CCDC73: variants seen among roughly 807,000 people sequenced by gnomAD.
The protein encoded by CCDC73 is coiled-coil domain containing 73, also known as coiled-coil domain-containing protein 73.
Under a neutral mutation model 116.5 loss-of-function variants are expected in CCDC73, and 95 were observed. The ratio of observed to expected loss-of-function variants is 0.82; its 90% CI spans 0.69 to 0.97. The LOEUF is 0.97. Among genes scored for constraint, CCDC73 ranks in the 50% least tolerant of loss-of-function variants. CCDC73 has a pLI of 0.00. For missense variants in CCDC73, 1,066 were observed against 1,206.8 expected (o/e 0.88, Z 1.73); for synonymous variants, 398 against 401.3 (o/e 0.99, Z 0.10).
At chr11:32,684,028 T>C (rs1856171845) in intron 6 of CCDC73, among the ~76,000 whole-genome samples, 1 of 146,244 alleles carries the variant, frequency 6.8e-6, no homozygotes, top group Non-Finnish European at 1.5e-5. Flanking sequence ...CATTAACACT[T>C]TGGTACTACC....
intron 9 of CCDC73, among the ~76,000 whole-genome samples, chr11:32,671,761 C>T (rs1159278934): frequency 6.6e-6 from 1 of 152,186 alleles, no homozygotes; most frequent in East Asian, 1.9e-4. Context: ...CTCACTTTAC[C>T]CTTCTATAAC....
chr11:32,812,385 G>T, the CCDC73 span, among the ~76,000 whole-genome samples: 1 of 152,124 alleles, frequency 6.6e-6, no homozygotes, highest in African/African-American at 2.4e-5. Flanking sequence ...TCAGGCATAG[G>T]CCGGGCGCAG....
chr11:32,633,983 T>C (rs1310383230), intron 14 of CCDC73, among the ~76,000 whole-genome samples: 1 of 152,182 alleles, frequency 6.6e-6, no homozygotes, highest in Admixed American at 6.5e-5. Context: ...AACTCTTTCC[T>C]GCACACCAAC....
chr11:32,787,789 A>G (rs1295036675), intron 1 of CCDC73, among the ~76,000 whole-genome samples: 2 of 152,200 alleles, frequency 1.3e-5, no homozygotes, highest in Non-Finnish European at 2.9e-5. Context: ...AAGATACAGA[A>G]CAATCAAAAT....
chr11:32,786,403 T>A (rs1850627781), intron 1 of CCDC73, among the ~76,000 whole-genome samples: 1 of 108,460 alleles, frequency 9.2e-6, no homozygotes, highest in South Asian at 2.6e-4. Flanking sequence ...TTATAATATA[T>A]AATAAATATA....
At chr11:32,696,325 T>A (rs1590599498) in intron 6 of CCDC73, among the ~76,000 whole-genome samples, 1 of 152,344 alleles carries the variant, frequency 6.6e-6, no homozygotes, top group African/African-American at 2.4e-5. Context: ...AACAGGGTAC[T>A]AATACAACAT....
chr11:32,690,746 G>C (rs1324104833), intron 6 of CCDC73, among the ~76,000 whole-genome samples: 2 of 152,164 alleles, frequency 1.3e-5, no homozygotes, highest in East Asian at 3.9e-4. Flanking sequence ...CTGCAGAACT[G>C]TAAGTTAATT....
the CCDC73 span, among the ~76,000 whole-genome samples, chr11:32,826,334 C>T: frequency 7.2e-5 from 11 of 152,170 alleles, no homozygotes; most frequent in African/African-American, 2.4e-4. Flanking sequence ...AGTTGCATCT[C>T]TTCAAGAGGC....
the CCDC73 span, among the ~76,000 whole-genome samples, chr11:32,810,545 A>G: frequency 1.3e-5 from 2 of 152,332 alleles, no homozygotes; most frequent in African/African-American, 4.8e-5. Context: ...CACGCCCTTT[A>G]AAGAGGGAAA....
chr11:32,651,409 C>T (rs530016956), intron 12 of CCDC73, among the ~76,000 whole-genome samples: 1 of 152,336 alleles, frequency 6.6e-6, no homozygotes, highest in South Asian at 2.1e-4. Context: ...CCTGCACCTA[C>T]ACCCCAACAA....
chr11:32,737,617 C>CAAAAA (rs35749199), intron 2 of CCDC73, among the ~76,000 whole-genome samples: 1 of 118,926 alleles, frequency 8.4e-6, no homozygotes, highest in Non-Finnish European at 1.8e-5. Flanking sequence ...GACTGTGTCT[C>CAAAAA]AAAAAAAAAA....
At chr11:32,738,985 TG>T (rs1850160104) in intron 2 of CCDC73, among the ~76,000 whole-genome samples, 1 of 152,064 alleles carries the variant, frequency 6.6e-6, no homozygotes, top group African/African-American at 2.4e-5. Context: ...GCACCTTTGT[TG>T]AAAATGAGTT....
chr11:32,819,468 T>TG, the CCDC73 span, among the ~76,000 whole-genome samples: 2 of 8,152 alleles, frequency 2.5e-4, no homozygotes, highest in African/African-American at 1.5e-3. Flanking sequence ...CAATAAGAGG[T>TG]TTTTTTTTTT....
At chr11:32,657,637 A>G (rs901309952) in intron 9 of CCDC73, among the ~76,000 whole-genome samples, 3 of 152,058 alleles carry the variant, frequency 2.0e-5, no homozygotes, top group Non-Finnish European at 4.4e-5. Context: ...GGGAGGTACT[A>G]GTAGATCAGT....
At chr11:32,793,823 C>A (rs1850698353) in intron 1 of CCDC73, among the ~76,000 whole-genome samples, 1 of 151,984 alleles carries the variant, frequency 6.6e-6, no homozygotes, top group Admixed American at 6.6e-5. Context: ...GTTGACCAGG[C>A]TGGTCTCAAA....
At chr11:32,675,713 TAA>T in intron 8 of CCDC73, 69 bp from the exon 9 acceptor site, 1 of 1,342,754 alleles carries the variant, frequency 7.4e-7, no homozygotes, top group Non-Finnish European at 1.0e-6. Context: ...ATCATTAAGA[TAA>T]ACAGGGAAAA....
intron 13 of CCDC73, among the ~76,000 whole-genome samples, chr11:32,640,886 G>A (rs545662541): frequency 2.0e-5 from 3 of 152,012 alleles, no homozygotes; most frequent in East Asian, 1.9e-4. Flanking sequence ...GCGTGGTGGC[G>A]GGTGCCTGTA....
intron 14 of CCDC73, among the ~76,000 whole-genome samples, chr11:32,621,702 AACT>A: frequency 6.6e-6 from 1 of 152,340 alleles, no homozygotes; most frequent in South Asian, 2.1e-4. Context: ...CAGCAAAAGA[AACT>A]ATCATCAGAG....
chr11:32,643,691 A>G (rs1855752705), intron 12 of CCDC73, among the ~76,000 whole-genome samples: 1 of 152,174 alleles, frequency 6.6e-6, no homozygotes, highest in Non-Finnish European at 1.5e-5. Flanking sequence ...GTAACTATAT[A>G]AGGTACTTAC....
Sources: allele counts gnomAD v4.1 joint callset (sites outside exome capture counted in the v4.1 genomes callset), GRCh38; gene constraint gnomAD v4.1.1; transcripts MANE v1.5; gene names NCBI Gene and HGNC (gene_info 2026-07-23, HGNC 2026-07-21).